Variants in CLASP1 observed in about 807,000 individuals in gnomAD.
CLASP1 encodes CLIP-associating protein 1.
CLASP1 carries 38 observed loss-of-function variants against 192.3 expected under a neutral mutation model. That is an observed-to-expected ratio of 0.20 (90% CI 0.15 to 0.26). CLASP1 has a LOEUF of 0.26. CLASP1 is among the 10% of genes least tolerant of loss of function. The pLI is 1.00. For missense variants in CLASP1, 1,433 were observed against 1,932.5 expected (o/e 0.74, Z 4.85); for synonymous variants, 691 against 712.8 (o/e 0.97, Z 0.49).
intron 34 of CLASP1, among the ~76,000 whole-genome samples, chr2:121,370,093 T>C (rs553643280): frequency 6.6e-6 from 1 of 152,376 alleles, no homozygotes; most frequent in Admixed American, 6.5e-5. Flanking sequence ...GCTTTCTCCC[T>C]ATGTTGAATG....
At chr2:121,432,367 C>T (rs923931891) in intron 19 of CLASP1, among the ~76,000 whole-genome samples, 4 of 152,192 alleles carry the variant, frequency 2.6e-5, no homozygotes, top group Non-Finnish European at 5.9e-5. Context: ...GATCCACCCG[C>T]CCTGGCCTCC....
At chr2:121,522,660 A>C (rs1227642181) in intron 6 of CLASP1, among the ~76,000 whole-genome samples, 1 of 152,146 alleles carries the variant, frequency 6.6e-6, no homozygotes, top group Non-Finnish European at 1.5e-5. Flanking sequence ...TATTATTATT[A>C]TTATTCCCCA....
intron 35 of CLASP1, among the ~76,000 whole-genome samples, 156 bp downstream of exon 36, chr2:121,367,432 G>A (rs1416852811): frequency 1.3e-5 from 2 of 152,218 alleles, no homozygotes; most frequent in Admixed American, 6.5e-5. Flanking sequence ...GCACAGTAGG[G>A]ATTCAGTTAA....
intron 37 of CLASP1, among the ~76,000 whole-genome samples, chr2:121,349,905 CATGCTAGTCCCAA>C (rs2064041616): frequency 6.6e-6 from 1 of 152,166 alleles, no homozygotes. Context: ...AGGTCCCAGT[CATGCTAGTCCCAA>C]ATGCTAAAAC....
At chr2:121,457,300 G>A (rs1193335622) in intron 14 of CLASP1, among the ~76,000 whole-genome samples, 1 of 152,110 alleles carries the variant, frequency 6.6e-6, no homozygotes, top group Non-Finnish European at 1.5e-5. Flanking sequence ...GATGTTTACG[G>A]TATTTTTTTC....
At chr2:121,459,028 A>G in intron 12 of CLASP1, 53 bp from the exon 13 acceptor site, 1 of 1,433,040 alleles carries the variant, frequency 7.0e-7, no homozygotes. Flanking sequence ...GAGACAGTGA[A>G]GCATATAAAC....
intron 2 of CLASP1, among the ~76,000 whole-genome samples, chr2:121,552,745 G>A (rs559884824): frequency 6.6e-6 from 1 of 152,358 alleles, no homozygotes; most frequent in East Asian, 1.9e-4. Flanking sequence ...GTTGGTGGGA[G>A]TGTAAATTAG....
intron 14 of CLASP1, among the ~76,000 whole-genome samples, chr2:121,452,843 AT>A (rs758156445): frequency 1.1e-4 from 17 of 152,184 alleles, no homozygotes; most frequent in Non-Finnish European, 1.9e-4. Flanking sequence ...TAAGTCTAGC[AT>A]TTCTATTTTT....
intron 30 of CLASP1, among the ~76,000 whole-genome samples, chr2:121,390,245 G>A (rs998075158): frequency 6.6e-6 from 1 of 152,166 alleles, no homozygotes; most frequent in Non-Finnish European, 1.5e-5. Flanking sequence ...AACTGGGCTG[G>A]AGAGATGCAT....
At chr2:121,481,465 A>G (rs995542683) in intron 8 of CLASP1, among the ~76,000 whole-genome samples, 13 of 152,324 alleles carry the variant, frequency 8.5e-5, no homozygotes, top group African/African-American at 3.1e-4. Context: ...CGTCCTTAGG[A>G]GGTCTCAATG....
At chr2:121,457,206 G>A (rs2149842062) in intron 14 of CLASP1, among the ~76,000 whole-genome samples, 1 of 152,294 alleles carries the variant, frequency 6.6e-6, no homozygotes, top group Non-Finnish European at 1.5e-5. Context: ...TGACAGTGAA[G>A]ATTCAGAATC....
rs1182194559 is a variant in CLASP1 at position 121,447,539 on chromosome 2, G to T, written c.1742-32C>A. On this transcript the variant is annotated intron_variant, in intron 18 of 39. Coordinates refer to ENST00000263710, the Ensembl canonical transcript of CLASP1. ...TGATAAAGGAGGAAATATGAATAAG[G>T]ACTACATAGAATTTTGAAAATACAT... The T allele has an allele frequency of 2.0e-6, 3 of 1,501,464 alleles. No individual in the cohort carries two copies. In the African/African-American group the frequency reaches 4.2e-5, roughly 21 times the overall value. The allele number at this position is 1,501,464 out of a possible 1,614,324, so 93.0% of individuals were successfully genotyped here. A position where few individuals can be genotyped will look rare whatever the true frequency, so the allele number is the denominator to read the frequency against.
chr2:121,419,846 T>C (rs1463037219), intron 22 of CLASP1, among the ~76,000 whole-genome samples: 1 of 152,042 alleles, frequency 6.6e-6, no homozygotes, highest in Non-Finnish European at 1.5e-5. Context: ...CTGGAAAAAA[T>C]GTCAAGACAT....
At chr2:121,400,005 T>G (rs1488777819) in intron 28 of CLASP1, among the ~76,000 whole-genome samples, 1 of 152,200 alleles carries the variant, frequency 6.6e-6, no homozygotes, top group Non-Finnish European at 1.5e-5. Flanking sequence ...GGCCCCAGTC[T>G]ATCAACAGCC....
At chr2:121,469,336 T>C (rs1394636487) in intron 9 of CLASP1, among the ~76,000 whole-genome samples, 1 of 152,160 alleles carries the variant, frequency 6.6e-6, no homozygotes, top group Non-Finnish European at 1.5e-5. Flanking sequence ...CGACCCTGCA[T>C]GCGGAGTATA....
chr2:121,509,409 A>G (rs1043747547), intron 7 of CLASP1, among the ~76,000 whole-genome samples: 1 of 152,158 alleles, frequency 6.6e-6, no homozygotes, highest in Non-Finnish European at 1.5e-5. Flanking sequence ...CCTGGGCTCA[A>G]GCAATCCTTC....
intron 1 of CLASP1, among the ~76,000 whole-genome samples, chr2:121,633,009 T>TAC (rs781654430): frequency 2.9e-5 from 4 of 137,942 alleles, no homozygotes; most frequent in African/African-American, 1.2e-4. Flanking sequence ...TGTGTGTGCA[T>TAC]ATATATATAT....
At chr2:121,520,194 C>A (rs1227475882) in intron 6 of CLASP1, among the ~76,000 whole-genome samples, 1 of 152,206 alleles carries the variant, frequency 6.6e-6, no homozygotes, top group Non-Finnish European at 1.5e-5. Flanking sequence ...GAGCACCTCT[C>A]TGGGGGCAAG....
intron 39 of CLASP1, among the ~76,000 whole-genome samples, chr2:121,342,125 A>T (rs1405370214): frequency 6.8e-6 from 1 of 146,634 alleles, no homozygotes; most frequent in Admixed American, 6.8e-5. Context: ...TAAAAAAAGA[A>T]TTTTTTTTTT....
Sources: gnomAD v4.1 joint callset for allele counts (sites outside exome capture counted in the v4.1 genomes callset) on GRCh38, gnomAD v4.1.1 for gene constraint, MANE v1.5 for transcripts, NCBI Gene and HGNC (gene_info 2026-07-23, HGNC 2026-07-21) for gene names.